CCSER1: variants seen among roughly 807,000 people sequenced by gnomAD.
CCSER1 encodes coiled-coil serine rich protein 1.
In CCSER1, 41 loss-of-function variants were observed where a neutral mutation model predicts 82.0. The ratio of observed to expected loss-of-function variants is 0.50; its 90% confidence interval spans 0.39 to 0.65. CCSER1 has a LOEUF of 0.65. Ranked by LOEUF, CCSER1 falls within the 30% of genes least tolerant of loss-of-function variation. The pLI, the probability that CCSER1 is intolerant of heterozygous loss-of-function variation, is 0.00. For synonymous variants in CCSER1, 414 were observed against 383.9 expected (o/e 1.08, Z -0.92); for missense variants, 1,119 against 1,064.2 (o/e 1.05, Z -0.72).
intron 6 of CCSER1, among the ~76,000 whole-genome samples, chr4:90,656,594 A>G (rs1341140092): frequency 2.6e-5 from 4 of 151,932 alleles, no homozygotes; most frequent in African/African-American, 9.6e-5. Flanking sequence ...GGTAAAATTC[A>G]GATTTAAAAA....
At chr4:91,503,645 C>T (rs1019784750) in intron 10 of CCSER1, among the ~76,000 whole-genome samples, 4 of 151,818 alleles carry the variant, frequency 2.6e-5, no homozygotes, top group South Asian at 2.1e-4. Flanking sequence ...CTCATAAGCC[C>T]GGAACACAAA....
chr4:90,304,187 T>G (rs9684963), intron 1 of CCSER1, among the ~76,000 whole-genome samples: 23 of 152,268 alleles, frequency 1.5e-4, no homozygotes, highest in Admixed American at 6.5e-4. Flanking sequence ...GGAACACTTT[T>G]ACACTGTTGG....
chr4:90,158,315 G>GGGGGTGA (rs929867936), intron 1 of CCSER1, among the ~76,000 whole-genome samples: 1 of 152,164 alleles, frequency 6.6e-6, no homozygotes, highest in African/African-American at 2.4e-5. Flanking sequence ...TAGGCTGCTC[G>GGGGGTGA]GGGGTCAGGG....
chr4:91,444,058 G>GT (rs911232064), intron 10 of CCSER1, among the ~76,000 whole-genome samples: 10 of 152,102 alleles, frequency 6.6e-5, no homozygotes, highest in Admixed American at 2.0e-4. Context: ...CTTTTATTAG[G>GT]TTTTTTCAAT....
chr4:90,550,489 T>G (rs1392895252), intron 5 of CCSER1, among the ~76,000 whole-genome samples: 1 of 152,194 alleles, frequency 6.6e-6, no homozygotes, highest in Non-Finnish European at 1.5e-5. Flanking sequence ...TTTCATTTAT[T>G]TGCATTTCTT....
intron 6 of CCSER1, chr4:90,663,966 A>G: frequency 4.8e-6 from 1 of 206,620 alleles, no homozygotes; most frequent in Non-Finnish European, 1.1e-5. Flanking sequence ...TACCATTTAA[A>G]AGATAAAAAT....
intron 4 of CCSER1, among the ~76,000 whole-genome samples, chr4:90,460,290 A>G (rs920840455): frequency 7.6e-6 from 1 of 131,652 alleles, no homozygotes; most frequent in African/African-American, 3.5e-5. Flanking sequence ...GCGCCACTGC[A>G]CTCCAGCCTG....
chr4:91,114,326 A>G (rs1726361547), intron 10 of CCSER1, among the ~76,000 whole-genome samples: 1 of 152,124 alleles, frequency 6.6e-6, no homozygotes, highest in African/African-American at 2.4e-5. Flanking sequence ...TCCAAAGAGC[A>G]TCTATAGATA....
chr4:90,987,520 A>G (rs1331611262), intron 9 of CCSER1, among the ~76,000 whole-genome samples: 2 of 151,602 alleles, frequency 1.3e-5, no homozygotes, highest in Non-Finnish European at 1.5e-5. Flanking sequence ...GAGATTTTCA[A>G]ATGTTGCCCA....
intron 10 of CCSER1, among the ~76,000 whole-genome samples, chr4:91,272,968 A>G (rs1200683904): frequency 6.6e-6 from 1 of 152,116 alleles, no homozygotes; most frequent in Non-Finnish European, 1.5e-5. Flanking sequence ...CTATTTTTAT[A>G]TCAGTATCAT....
chr4:90,632,661 A>G (rs1164412247), intron 6 of CCSER1, among the ~76,000 whole-genome samples: 1 of 152,096 alleles, frequency 6.6e-6, no homozygotes, highest in Non-Finnish European at 1.5e-5. Flanking sequence ...GTGAATGGTG[A>G]GGACTTTCTC....
chr4:90,936,841 CA>C (rs1730999289), intron 9 of CCSER1, among the ~76,000 whole-genome samples: 1 of 152,012 alleles, frequency 6.6e-6, no homozygotes, highest in Non-Finnish European at 1.5e-5. Context: ...AAAGATTTTG[CA>C]GACCTTTTTT....
intron 7 of CCSER1, among the ~76,000 whole-genome samples, chr4:90,813,525 C>G (rs1347847402): frequency 6.6e-6 from 1 of 152,110 alleles, no homozygotes; most frequent in Non-Finnish European, 1.5e-5. Context: ...TGGGAGGAAC[C>G]CCGGGGGAGG....
At chr4:90,573,148 T>G (rs1780312480) in intron 5 of CCSER1, among the ~76,000 whole-genome samples, 1 of 152,232 alleles carries the variant, frequency 6.6e-6, no homozygotes, top group African/African-American at 2.4e-5. Context: ...TCAGGGAAGC[T>G]GTGGCCAATA....
At chr4:91,125,300 A>G (rs1004290571) in intron 10 of CCSER1, among the ~76,000 whole-genome samples, 3 of 151,738 alleles carry the variant, frequency 2.0e-5, no homozygotes, top group Non-Finnish European at 3.0e-5. Flanking sequence ...ACTTAACAGT[A>G]AAATCTAATA....
chr4:90,204,308 A>G (rs1420828361), intron 1 of CCSER1, among the ~76,000 whole-genome samples: 3 of 152,002 alleles, frequency 2.0e-5, no homozygotes, highest in Non-Finnish European at 4.4e-5. Context: ...TATCTTCTAG[A>G]GTTTTTATGA....
intron 10 of CCSER1, among the ~76,000 whole-genome samples, chr4:91,204,464 C>A (rs1287643012): frequency 6.6e-6 from 1 of 151,760 alleles, no homozygotes; most frequent in Admixed American, 6.6e-5. Context: ...AATCCCACCC[C>A]CCAAAATATG....
intron 10 of CCSER1, among the ~76,000 whole-genome samples, chr4:91,597,317 T>C (rs1448980232): frequency 4.6e-5 from 7 of 152,106 alleles, no homozygotes; most frequent in Admixed American, 2.6e-4. Context: ...ATAAATATTA[T>C]GTATTATCTC....
intron 4 of CCSER1, among the ~76,000 whole-genome samples, chr4:90,411,499 A>G (rs1754792141): frequency 2.6e-5 from 4 of 152,264 alleles, no homozygotes; most frequent in African/African-American, 9.6e-5. Context: ...AATCCAGCAT[A>G]TAAACAGAAC....
Sources: allele counts gnomAD v4.1 joint callset (sites outside exome capture counted in the v4.1 genomes callset), GRCh38; gene constraint gnomAD v4.1.1; transcripts MANE v1.5; gene names NCBI Gene and HGNC (gene_info 2026-07-23, HGNC 2026-07-21).